The following GRHL2 variants were observed in gnomAD, a reference collection of about 807,000 sequenced individuals.
The protein encoded by GRHL2 is grainyhead-like protein 2 homolog.
In GRHL2, 21 loss-of-function variants were observed where a neutral mutation model predicts 83.8. That is an observed-to-expected ratio of 0.25 (90% CI 0.18 to 0.36). The LOEUF (loss-of-function observed/expected upper bound fraction) is 0.36, where lower values mean the gene tolerates loss of function less well. GRHL2 is among the 10% of genes least tolerant of loss of function. The probability of loss-of-function intolerance (pLI) is 1.00; values close to 1 mark genes in which losing one functional copy is unlikely to be tolerated. For missense variants in GRHL2, 623 were observed against 781.8 expected, an observed-to-expected ratio of 0.80 and a Z score of 2.42; for synonymous variants, 280 against 278.9, an observed-to-expected ratio of 1.00 and a Z score of -0.04.
intron 9 of GRHL2, among the ~76,000 whole-genome samples, chr8:101,624,844 G>A (rs2387627): frequency 0.98 from 149,778 of 152,220 alleles, 73,753 homozygotes; most frequent in Middle Eastern, 1. Flanking sequence ...ACACACAGTG[G>A]GAATGCAGAG....
chr8:101,521,423 TGGA>T (rs1265568448), intron 1 of GRHL2, among the ~76,000 whole-genome samples: 1 of 152,224 alleles, frequency 6.6e-6, no homozygotes, highest in Non-Finnish European at 1.5e-5. Context: ...TTTCTGTGGT[TGGA>T]GGTGTTGTGA....
chr8:101,573,534 C>T, intron 5 of GRHL2, 134 bp from the exon 6 acceptor site: 1 of 1,023,300 alleles, frequency 9.8e-7, no homozygotes, highest in Non-Finnish European at 1.5e-6. Flanking sequence ...ATCTCTTTTG[C>T]CATATGCTGT....
chr8:101,578,778 C>T (rs927511792), intron 7 of GRHL2, among the ~76,000 whole-genome samples: 1 of 152,194 alleles, frequency 6.6e-6, no homozygotes, highest in African/African-American at 2.4e-5. Context: ...GCAATGAGGA[C>T]TTTTCAGATC....
intron 7 of GRHL2, among the ~76,000 whole-genome samples, chr8:101,596,815 T>C (rs1812401044): frequency 6.6e-6 from 1 of 152,246 alleles, no homozygotes; most frequent in African/African-American, 2.4e-5. Flanking sequence ...TCATATTTGT[T>C]CATGGTCTCT....
At chr8:101,552,446 T>C (rs957173774) in intron 2 of GRHL2, among the ~76,000 whole-genome samples, 3 of 152,220 alleles carry the variant, frequency 2.0e-5, no homozygotes, top group Non-Finnish European at 2.9e-5. Context: ...TGAGAGGTGC[T>C]CGGGTCCAGG....
In GRHL2 at chr8:101,599,156, G is replaced by A. The variant is rs763657151; in HGVS notation, c.1098+5G>A. On this transcript the variant is annotated splice_donor_5th_base_variant and intron_variant, in intron 8 of 15. Coordinates refer to ENST00000646743, the MANE Select transcript of GRHL2 (RefSeq NM_024915.4). ...GACGTGAATGAAGAGGCGAAGGTGA[G>A]TGACATTGATTCATTGTTTATACCT... 1.9e-6 allele frequency: 3 copies of A among 1,577,368 alleles called. No individual in the cohort carries two copies. Among genetic ancestry groups the A allele is most frequent in the African/African-American group, 2.7e-5 (2 of 74,176 alleles).
chr8:101,580,148 G>A (rs1451511373), intron 7 of GRHL2, among the ~76,000 whole-genome samples: 1 of 152,044 alleles, frequency 6.6e-6, no homozygotes, highest in Admixed American at 6.6e-5. Context: ...GGGCCCCTTA[G>A]CTAAAGCAAG....
At chr8:101,563,893 C>A (rs1329349009) in intron 4 of GRHL2, among the ~76,000 whole-genome samples, 1 of 152,062 alleles carries the variant, frequency 6.6e-6, no homozygotes, top group African/African-American at 2.4e-5. Flanking sequence ...CAAAAGATTG[C>A]CACTGATGTA....
chr8:101,510,184 A>T (rs964866134), intron 1 of GRHL2, among the ~76,000 whole-genome samples: 2 of 151,966 alleles, frequency 1.3e-5, no homozygotes, highest in African/African-American at 2.4e-5. Flanking sequence ...TTTTGTAGAG[A>T]TGGTGTTTCA....
chr8:101,566,114 G>A (rs138895886), intron 4 of GRHL2, among the ~76,000 whole-genome samples: 5 of 152,144 alleles, frequency 3.3e-5, no homozygotes, highest in African/African-American at 9.6e-5. Flanking sequence ...GCCTCACTTT[G>A]GATTAATGCA....
chr8:101,547,630 A>G (rs1586082331), intron 2 of GRHL2, among the ~76,000 whole-genome samples: 1 of 152,250 alleles, frequency 6.6e-6, no homozygotes, highest in Non-Finnish European at 1.5e-5. Context: ...CATGCAACTC[A>G]GTGGGATTTA....
chr8:101,603,297 A>G (rs1202915086), intron 8 of GRHL2, among the ~76,000 whole-genome samples: 1 of 152,244 alleles, frequency 6.6e-6, no homozygotes, highest in Non-Finnish European at 1.5e-5. Context: ...GTTAAAGGAT[A>G]GCTTTTATTT....
At chr8:101,646,447 T>C (rs995109525) in intron 13 of GRHL2, among the ~76,000 whole-genome samples, 2 of 152,230 alleles carry the variant, frequency 1.3e-5, no homozygotes, top group Non-Finnish European at 1.5e-5. Flanking sequence ...ATCTGAATCA[T>C]AGACACATGA....
rs1563627347 is a variant in GRHL2 at position 101,652,499 on chromosome 8, T to TGTGTGTGTG, written c.1698+3001_1698+3009dup. ...GTGTGGTATGTGTGTATGTGTGTGGTGTGTGTGTGTGGTGTGTGTGTGGTG... is the reference window on the plus strand; with the variant it reads ...GTGTGGTATGTGTGTATGTGTGTGGTGTGTGTGTGGTGTGTGTGTGGTGTGTGTGTGGTG... On this transcript the variant is annotated intron_variant, in intron 14 of 15. Coordinates refer to ENST00000646743, the MANE Select transcript of GRHL2 (RefSeq NM_024915.4). 2.5e-3 allele frequency among the ~76,000 whole-genome samples: 98 copies of TGTGTGTGTG among 38,776 alleles called. 14 individuals are homozygous for TGTGTGTGTG. The African/African-American group carries it at 0.028, about 11-fold the overall frequency. The allele number at this position is 38,776 out of a possible 152,430, so 25.4% of individuals were successfully genotyped here. A position where few individuals can be genotyped will look rare whatever the true frequency, so the allele number is the denominator to read the frequency against.
chr8:101,589,548 T>C (rs1451724299), intron 7 of GRHL2, among the ~76,000 whole-genome samples: 1 of 152,216 alleles, frequency 6.6e-6, no homozygotes, highest in South Asian at 2.1e-4. Flanking sequence ...TAGGTTACAA[T>C]GTCAAATGTT....
chr8:101,632,387 C>T (rs749695484), intron 11 of GRHL2, 22 bp downstream of exon 11: 10 of 1,613,550 alleles, frequency 6.2e-6, no homozygotes, highest in South Asian at 2.2e-5. Context: ...CAGCTAACGC[C>T]CACCTCCCAT....
chr8:101,611,030 T>A (rs1812738871), intron 8 of GRHL2, among the ~76,000 whole-genome samples: 1 of 150,922 alleles, frequency 6.6e-6, no homozygotes, highest in Non-Finnish European at 1.5e-5. Context: ...TGGACAGCAG[T>A]GAGTGTCCGA....
intron 3 of GRHL2, among the ~76,000 whole-genome samples, chr8:101,553,537 T>C (rs1320524170): frequency 6.6e-6 from 1 of 152,030 alleles, no homozygotes; most frequent in African/African-American, 2.4e-5. Flanking sequence ...ATCCCCTCTC[T>C]TTAGCCAGGA....
intron 14 of GRHL2, among the ~76,000 whole-genome samples, chr8:101,654,087 C>A (rs1223106730): frequency 6.6e-6 from 1 of 152,126 alleles, no homozygotes; most frequent in Non-Finnish European, 1.5e-5. Flanking sequence ...TAGGAATTGG[C>A]CTGGGTCTAG....
Sources: allele counts gnomAD v4.1 joint callset (sites outside exome capture counted in the v4.1 genomes callset), GRCh38; gene constraint gnomAD v4.1.1; transcripts MANE v1.5; gene names NCBI Gene and HGNC (gene_info 2026-07-23, HGNC 2026-07-21).